The following SNX31 variants were observed in gnomAD, a reference collection of about 807,000 sequenced individuals.
The protein encoded by SNX31 is sorting nexin 31, also known as sorting nexin-31.
Under a neutral mutation model 65.4 loss-of-function variants are expected in SNX31, and 58 were observed. The observed-to-expected ratio is 0.89, with a 90% CI of 0.72 to 1.10. SNX31 has a LOEUF of 1.10. Among genes scored for constraint, SNX31 ranks in the 50% least tolerant of loss-of-function variants. SNX31 has a pLI of 0.00. For synonymous variants in SNX31, 181 were observed against 190.1 expected, an observed-to-expected ratio of 0.95 and a Z score of 0.39; for missense variants, 523 against 529.7, an observed-to-expected ratio of 0.99 and a Z score of 0.12.
chr8:100,596,953 T>A, intron 9 of SNX31, 111 bp from the exon 10 acceptor site: 1 of 874,286 alleles, frequency 1.1e-6, no homozygotes. Context: ...GGATAATACA[T>A]GGAACTGAGT....
chr8:100,638,449 A>G (rs958234923), intron 2 of SNX31, among the ~76,000 whole-genome samples: 4 of 152,232 alleles, frequency 2.6e-5, no homozygotes, highest in African/African-American at 9.6e-5. Context: ...CATCAGCACA[A>G]AAGTTCTATT....
chr8:100,638,339 T>C (rs1206162017), intron 2 of SNX31, among the ~76,000 whole-genome samples: 1 of 152,230 alleles, frequency 6.6e-6, no homozygotes, highest in Non-Finnish European at 1.5e-5. Flanking sequence ...AATTTTAAAA[T>C]TCAATCTCCA....
chr8:100,597,031 G>A (rs2469662), intron 9 of SNX31, among the ~76,000 whole-genome samples, 189 bp from the exon 10 acceptor site: 46,868 of 152,016 alleles, frequency 0.31, 7,796 homozygotes, highest in African/African-American at 0.41. Flanking sequence ...CCAGAAGCCC[G>A]GGGGAAATTC....
chr8:100,636,089 G>A (rs1313101381), intron 2 of SNX31, 78 bp from the exon 3 acceptor site: 3 of 981,628 alleles, frequency 3.1e-6, no homozygotes, highest in Non-Finnish European at 4.8e-6. Flanking sequence ...GTCTCCTTTA[G>A]GGCAAGTCCC....
In SNX31 at chr8:100,578,477, T is replaced by C. The variant is rs908258804; in HGVS notation, c.1171-1402A>G. 4.6e-5 allele frequency among the ~76,000 whole-genome samples: 7 copies of C among 152,128 alleles called. No homozygotes were observed. Among genetic ancestry groups the C allele is most frequent in the African/African-American group, 1.7e-4 (7 of 41,418 alleles). ...CAGAATAAACAAGTGACTTAATTGTTTATTATTGCTTACTTCTCATGAGAA... is the reference window on the plus strand; with the variant it reads ...CAGAATAAACAAGTGACTTAATTGTCTATTATTGCTTACTTCTCATGAGAA... On this transcript the variant is annotated intron_variant, in intron 12 of 13. Transcript: ENST00000311812. This position sits in a 1 kb window ranked among gnomAD's most constrained non-coding sequence, Gnocchi z 4.7.
intron 4 of SNX31, chr8:100,618,899 C>G (rs1817472616): frequency 6.5e-6 from 1 of 154,278 alleles, no homozygotes; most frequent in Non-Finnish European, 1.4e-5. Flanking sequence ...GGAAGCTCCT[C>G]AAACCCCATT....
At chr8:100,589,875 A>G (rs1039019463) in intron 10 of SNX31, among the ~76,000 whole-genome samples, 2 of 152,242 alleles carry the variant, frequency 1.3e-5, no homozygotes, top group South Asian at 2.1e-4. Context: ...ATGTAGGACT[A>G]TCAGGGAATG....
Position 100,613,055 on chromosome 8 carries a change from C to G in SNX31, c.463G>C (p.Glu155Gln), listed in dbSNP as rs1332573702. 1.9e-6 allele frequency: 3 copies of G among 1,613,916 alleles called. No homozygotes were observed. The South Asian group carries it at 3.3e-5, about 18-fold the overall frequency. Residue 155 changes from glutamate to glutamine, a missense_variant, in exon 6 of 14, where the codon GAG (glutamate) becomes CAG (glutamine). By Grantham distance (29) the Glu-to-Gln change is conservative (BLOSUM62 2). Transcript: ENST00000311812. The surrounding 1 kb of genome is among the most constrained non-coding windows in gnomAD (Gnocchi z 5.2). ...VVSHKIGLCRELLGYFGLFLI... is the reference protein window; with the variant it reads ...VVSHKIGLCRQLLGYFGLFLI... ...AAGAGGCCGAAGTAGCCCAAGAGCT[C>G]TCGACACAGTCCAATTTTGTGTGAC...
intron 4 of SNX31, among the ~76,000 whole-genome samples, chr8:100,628,683 C>A (rs986020579): frequency 1.3e-5 from 2 of 151,846 alleles, no homozygotes; most frequent in Non-Finnish European, 2.9e-5. Flanking sequence ...TGGCACATGT[C>A]TACATATGTA....
intron 7 of SNX31, 96 bp from the exon 8 acceptor site, chr8:100,608,659 AC>A (rs1238324998): frequency 8.9e-7 from 1 of 1,122,806 alleles, no homozygotes; most frequent in East Asian, 2.5e-5. Context: ...TACCCTATGA[AC>A]CAGGGCCCCC....
upstream of SNX31, among the ~76,000 whole-genome samples, chr8:100,654,298 A>G (rs1416248118): frequency 6.6e-6 from 1 of 152,178 alleles, no homozygotes; most frequent in African/African-American, 2.4e-5. Context: ...GGCGTGAGCC[A>G]CTGCCCTGGT....
chr8:100,579,548 C>G (rs868130511), intron 12 of SNX31, among the ~76,000 whole-genome samples: 7 of 152,190 alleles, frequency 4.6e-5, no homozygotes, highest in Non-Finnish European at 7.3e-5. Flanking sequence ...TGGACCAGCT[C>G]TTCAAAAGGC....
Position 100,608,577 on chromosome 8 carries a change from G to A in SNX31, c.612-14C>T. On this transcript the variant is annotated splice_polypyrimidine_tract_variant and intron_variant, in intron 7 of 13. Coordinates refer to ENST00000311812, the MANE Select transcript of SNX31 (RefSeq NM_152628.4). ...GGAGCCATATACCTGCAAAATTCAG[G>A]AGTGTGAAATTCATTCCTGTGACAT... 1 of 1,613,450 alleles carries A rather than the reference G, an allele frequency of 6.2e-7. No homozygotes were observed. Among genetic ancestry groups the A allele is most frequent in the East Asian group, 2.2e-5 (1 of 44,872 alleles).
At chr8:100,646,050 TG>T (rs1336922467) in intron 2 of SNX31, among the ~76,000 whole-genome samples, 1 of 152,092 alleles carries the variant, frequency 6.6e-6, no homozygotes, top group Non-Finnish European at 1.5e-5. Context: ...CAGGGCTGAA[TG>T]AAGGGGATTG....
At chr8:100,584,293 A>G (rs914972971) in intron 11 of SNX31, 105 bp from the exon 12 acceptor site, 17 of 753,388 alleles carry the variant, frequency 2.3e-5, no homozygotes, top group Non-Finnish European at 3.4e-5. Flanking sequence ...CTCCAATAAC[A>G]CAGATTCAAG....
Position 100,630,468 on chromosome 8 carries a change from G to T in SNX31, c.257-77C>A. The stretch of plus-strand genomic sequence containing the variant: ...CCTATTAATTGCTATGTCCTCCAGA[G>T]ATCCCTCCATGCCTTGCCAGTGCTC... On this transcript the variant is annotated intron_variant, in intron 3 of 13. Transcript: ENST00000311812. This position sits in a 1 kb window ranked among gnomAD's most constrained non-coding sequence, Gnocchi z 5.3. 3.2e-6 allele frequency: 4 copies of T among 1,236,612 alleles called. No individual in the cohort carries two copies. The highest frequency in any genetic ancestry group is 1.5e-5 in the African/African-American group (1 of 65,826). The allele number at this position is 1,236,612 out of a possible 1,614,324, so 76.6% of individuals were successfully genotyped here. A position where few individuals can be genotyped will look rare whatever the true frequency, so the allele number is the denominator to read the frequency against.
At chr8:100,599,213 T>A (rs1204566979) in intron 9 of SNX31, among the ~76,000 whole-genome samples, 2 of 152,196 alleles carry the variant, frequency 1.3e-5, no homozygotes, top group Non-Finnish European at 2.9e-5. Context: ...TCAGATAAAA[T>A]GTTTATCATA....
intron 12 of SNX31, among the ~76,000 whole-genome samples, chr8:100,583,578 A>G (rs984447315): frequency 1.1e-4 from 16 of 152,214 alleles, no homozygotes; most frequent in African/African-American, 3.6e-4. Flanking sequence ...ATAATAATAA[A>G]TAAACACTAG....
upstream of SNX31, among the ~76,000 whole-genome samples, chr8:100,650,493 G>A (rs1807959): frequency 0.065 from 9,946 of 152,292 alleles, 450 homozygotes; most frequent in Non-Finnish European, 0.095. Context: ...GATTTCATCA[G>A]GATCATTGAA....
Sources: allele counts gnomAD v4.1 joint callset (sites outside exome capture counted in the v4.1 genomes callset), GRCh38; gene constraint gnomAD v4.1.1; non-coding constraint Gnocchi (gnomAD v3.1); transcripts MANE v1.5; gene names NCBI Gene and HGNC (gene_info 2026-07-23, HGNC 2026-07-21).